The following ESRRG variants were observed in gnomAD, a reference collection of about 807,000 sequenced individuals.
The protein encoded by ESRRG is estrogen-related receptor gamma.
A neutral mutation model predicts 44.0 loss-of-function variants in ESRRG; 13 were observed. The ratio of observed to expected loss-of-function variants is 0.30; its 90% CI spans 0.19 to 0.47. The LOEUF is 0.47. Ranked by LOEUF, ESRRG falls within the 20% of genes least tolerant of loss-of-function variation. The pLI, the probability that ESRRG is intolerant of heterozygous loss-of-function variation, is 1.00. For missense variants in ESRRG, 395 were observed against 580.6 expected, an observed-to-expected ratio of 0.68 and a Z score of 3.29; for synonymous variants, 215 against 214.6, an observed-to-expected ratio of 1.00 and a Z score of -0.02.
intron 3 of ESRRG, among the ~76,000 whole-genome samples, chr1:216,633,943 G>C (rs1284286388): frequency 6.6e-6 from 1 of 152,046 alleles, no homozygotes; most frequent in African/African-American, 2.4e-5. Context: ...ATAACAATTT[G>C]GTAAAGATTA....
intron 1 of ESRRG, among the ~76,000 whole-genome samples, chr1:217,005,831 T>C (rs1351207427): frequency 6.6e-6 from 1 of 152,176 alleles, no homozygotes; most frequent in Admixed American, 6.6e-5. Flanking sequence ...TACAAATTTA[T>C]AGGAAAAGTG....
intron 5 of ESRRG, among the ~76,000 whole-genome samples, chr1:216,544,413 C>A (rs557009879): frequency 1.3e-5 from 2 of 151,982 alleles, no homozygotes; most frequent in African/African-American, 2.4e-5. Flanking sequence ...TGCACAATAT[C>A]AGGTACCAAT....
intron 2 of ESRRG, among the ~76,000 whole-genome samples, chr1:216,886,984 C>T (rs1160123666): frequency 2.6e-5 from 4 of 152,110 alleles, no homozygotes; most frequent in African/African-American, 7.2e-5. Context: ...GCAATCCACC[C>T]GCCTCGGTCT....
chr1:216,917,636 C>T (rs541096249), intron 2 of ESRRG, among the ~76,000 whole-genome samples: 2 of 152,116 alleles, frequency 1.3e-5, no homozygotes, highest in Non-Finnish European at 2.9e-5. Context: ...ACCTTTCCCA[C>T]AAGAGCAGAG....
intron 1 of ESRRG, among the ~76,000 whole-genome samples, chr1:216,968,286 A>G (rs950283305): frequency 5.3e-5 from 8 of 152,122 alleles, no homozygotes; most frequent in African/African-American, 1.9e-4. Context: ...TTGGTGCTGT[A>G]TCTAAAGAGT....
chr1:216,711,388 C>A (rs1307848128), intron 1 of ESRRG, among the ~76,000 whole-genome samples: 2 of 152,164 alleles, frequency 1.3e-5, no homozygotes, highest in African/African-American at 4.8e-5. Flanking sequence ...AGTTTTAATA[C>A]TTCTCTGGGG....
chr1:216,525,092 C>A (rs1415352638), intron 5 of ESRRG, among the ~76,000 whole-genome samples: 1 of 152,176 alleles, frequency 6.6e-6, no homozygotes, highest in Non-Finnish European at 1.5e-5. Context: ...CCTGGTTTTC[C>A]AATCAGCTTG....
chr1:216,673,003 G>A (rs982926535), intron 2 of ESRRG, among the ~76,000 whole-genome samples: 1 of 152,188 alleles, frequency 6.6e-6, no homozygotes, highest in African/African-American at 2.4e-5. Flanking sequence ...TCACATTTAT[G>A]TAACGGCCTG....
At chr1:216,603,803 T>G (rs1379626452) in intron 3 of ESRRG, among the ~76,000 whole-genome samples, 5 of 151,932 alleles carry the variant, frequency 3.3e-5, no homozygotes, top group Admixed American at 2.6e-4. Flanking sequence ...TGGTGCATAC[T>G]TGTAATCCCA....
intron 1 of ESRRG, among the ~76,000 whole-genome samples, chr1:217,131,249 G>T (rs559494897): frequency 2.0e-5 from 3 of 151,900 alleles, no homozygotes; most frequent in East Asian, 1.9e-4. Context: ...ACATAAAAAG[G>T]CATGTTTATC....
At chr1:217,079,606 T>A (rs908159032) in intron 1 of ESRRG, among the ~76,000 whole-genome samples, 1 of 152,234 alleles carries the variant, frequency 6.6e-6, no homozygotes, top group African/African-American at 2.4e-5. Context: ...TCTACCTACA[T>A]GAGGTTGGAG....
intron 1 of ESRRG, among the ~76,000 whole-genome samples, chr1:217,062,900 G>A (rs2088845646): frequency 6.6e-6 from 1 of 152,146 alleles, no homozygotes; most frequent in Non-Finnish European, 1.5e-5. Context: ...TGGCTACAGA[G>A]AGCAGGAAGA....
intron 2 of ESRRG, among the ~76,000 whole-genome samples, chr1:216,744,251 A>C (rs1240875356): frequency 1.3e-5 from 2 of 152,192 alleles, no homozygotes; most frequent in African/African-American, 2.4e-5. Flanking sequence ...TCTGGGTGCT[A>C]AATCAATTTA....
chr1:216,780,336 G>A (rs1379593917), intron 2 of ESRRG, among the ~76,000 whole-genome samples: 2 of 151,930 alleles, frequency 1.3e-5, no homozygotes, highest in African/African-American at 2.4e-5. Context: ...GATTTGAAAT[G>A]GAAAACCCAG....
intron 3 of ESRRG, among the ~76,000 whole-genome samples, chr1:216,627,472 G>T (rs2063378183): frequency 6.6e-6 from 1 of 152,122 alleles, no homozygotes; most frequent in African/African-American, 2.4e-5. Context: ...CCATCTAGTG[G>T]AATGCTGATT....
intron 3 of ESRRG, among the ~76,000 whole-genome samples, chr1:216,625,644 C>A (rs1190249790): frequency 6.6e-6 from 1 of 152,114 alleles, no homozygotes; most frequent in Non-Finnish European, 1.5e-5. Context: ...CCATCTCCAG[C>A]ACTTAAAAGT....
At chr1:216,868,232 C>T (rs903505600) in intron 2 of ESRRG, among the ~76,000 whole-genome samples, 1 of 151,844 alleles carries the variant, frequency 6.6e-6, no homozygotes, top group African/African-American at 2.4e-5. Context: ...GGATTACAGG[C>T]ATGCGCCACC....
chr1:216,944,974 A>G (rs932377866), intron 1 of ESRRG, among the ~76,000 whole-genome samples: 1 of 152,170 alleles, frequency 6.6e-6, no homozygotes, highest in Non-Finnish European at 1.5e-5. Context: ...CAGGTTTTTC[A>G]TAATTCCAAC....
chr1:216,526,751 CT>C (rs2047781255), intron 5 of ESRRG, among the ~76,000 whole-genome samples: 1 of 152,136 alleles, frequency 6.6e-6, no homozygotes, highest in Admixed American at 6.5e-5. Context: ...ACAAACCGAG[CT>C]AATCATGAAG....
Sources: gnomAD v4.1 joint callset for allele counts (sites outside exome capture counted in the v4.1 genomes callset) on GRCh38, gnomAD v4.1.1 for gene constraint, MANE v1.5 for transcripts, NCBI Gene and HGNC (gene_info 2026-07-23, HGNC 2026-07-21) for gene names.